DCLK1: variants seen among roughly 807,000 people sequenced by gnomAD.
DCLK1 encodes the protein doublecortin like kinase 1.
Under a neutral mutation model 86.2 loss-of-function variants are expected in DCLK1, and 16 were observed. That is an observed-to-expected ratio of 0.19 (90% CI 0.13 to 0.28). The LOEUF is 0.28. Ranked by LOEUF, DCLK1 falls within the 10% of genes least tolerant of loss-of-function variation. DCLK1 has a pLI of 1.00. For missense variants in DCLK1, 590 were observed against 940.2 expected (o/e 0.63, Z 4.87); for synonymous variants, 369 against 370.5 (o/e 1.00, Z 0.05).
intron 4 of DCLK1, among the ~76,000 whole-genome samples, chr13:35,897,796 C>A (rs1171062): frequency 0.32 from 48,084 of 151,940 alleles, 8,515 homozygotes; most frequent in African/African-American, 0.47. Context: ...TTCAGGTAAT[C>A]CAATGGAAGC....
chr13:35,997,337 A>C (rs1287529232), intron 3 of DCLK1, among the ~76,000 whole-genome samples: 1 of 152,216 alleles, frequency 6.6e-6, no homozygotes, highest in East Asian at 1.9e-4. Flanking sequence ...GATTATCTTT[A>C]ATTTCTTTTC....
intron 3 of DCLK1, among the ~76,000 whole-genome samples, chr13:35,979,003 C>T (rs773704196): frequency 7.2e-5 from 11 of 152,210 alleles, no homozygotes; most frequent in Non-Finnish European, 1.2e-4. Flanking sequence ...CCTGAAAACA[C>T]GATCTTCCTT....
At chr13:35,810,373 A>G (rs909397410) in intron 12 of DCLK1, among the ~76,000 whole-genome samples, 2 of 152,176 alleles carry the variant, frequency 1.3e-5, no homozygotes, top group Non-Finnish European at 2.9e-5. Flanking sequence ...CTGATGCCTA[A>G]GGGTGTTTGT....
At chr13:35,978,972 A>G (rs927799521) in intron 3 of DCLK1, among the ~76,000 whole-genome samples, 6 of 152,200 alleles carry the variant, frequency 3.9e-5, no homozygotes, top group Non-Finnish European at 8.8e-5. Context: ...TAAGTGCTCT[A>G]CCTATATTGT....
At chr13:35,984,057 G>A (rs1879789173) in intron 3 of DCLK1, among the ~76,000 whole-genome samples, 1 of 152,216 alleles carries the variant, frequency 6.6e-6, no homozygotes, top group Non-Finnish European at 1.5e-5. Context: ...GTGCAGGTGA[G>A]CCTATGTGAA....
At chr13:35,807,010 A>C (rs2087041017) in intron 14 of DCLK1, among the ~76,000 whole-genome samples, 1 of 152,360 alleles carries the variant, frequency 6.6e-6, no homozygotes, top group African/African-American at 2.4e-5. Flanking sequence ...AAGCAAAGGC[A>C]TAAACATTGA....
intron 3 of DCLK1, among the ~76,000 whole-genome samples, chr13:35,980,744 C>T (rs912440279): frequency 6.6e-6 from 1 of 152,106 alleles, no homozygotes; most frequent in Non-Finnish European, 1.5e-5. Flanking sequence ...AACCTAAATC[C>T]CTGGCATGCT....
At position 35,936,914 on chromosome 13, in the gene DCLK1, A is replaced by T. The variant is rs1566610704; in HGVS notation, c.823+10444T>A. On this transcript the variant is annotated intron_variant, in intron 4 of 16. Transcript: ENST00000360631. Reference sequence around the variant, plus strand: ...TAATAAAGAAGAGCAGAATGTTCCCAGTGAGAGTCCCTGAAGAACCCATTA... The same window carrying T: ...TAATAAAGAAGAGCAGAATGTTCCCTGTGAGAGTCCCTGAAGAACCCATTA... Among the ~76,000 whole-genome samples, 4 of 151,462 alleles carry T rather than the reference A, an allele frequency of 2.6e-5. No homozygotes were observed. In the South Asian group the frequency reaches 8.4e-4, roughly 32 times the overall value.
At chr13:36,076,275 C>A (rs1884211540) in intron 3 of DCLK1, among the ~76,000 whole-genome samples, 1 of 152,178 alleles carries the variant, frequency 6.6e-6, no homozygotes, top group Non-Finnish European at 1.5e-5. Flanking sequence ...TTTCTCCTGT[C>A]TCCTTGACTA....
At chr13:35,850,007 G>A (rs993300496) in intron 6 of DCLK1, 57 of 969,800 alleles carry the variant, frequency 5.9e-5, no homozygotes, top group Non-Finnish European at 7.0e-5. Context: ...AATTTATACT[G>A]TTTCTAATAA....
chr13:36,021,668 C>T (rs187707906), intron 3 of DCLK1, among the ~76,000 whole-genome samples: 24 of 152,006 alleles, frequency 1.6e-4, no homozygotes, highest in African/African-American at 2.7e-4. Context: ...CATTTTTTAA[C>T]GACAAAGGGT....
At chr13:35,822,975 T>C (rs2087432642) in intron 10 of DCLK1, 100 bp from the exon 11 acceptor site, 1 of 1,411,726 alleles carries the variant, frequency 7.1e-7, no homozygotes, top group Non-Finnish European at 9.7e-7. Flanking sequence ...GAAGAATGGA[T>C]GTGGAATCTT....
intron 14 of DCLK1, among the ~76,000 whole-genome samples, chr13:35,807,603 A>C (rs1434841657): frequency 6.6e-6 from 1 of 152,262 alleles, no homozygotes; most frequent in African/African-American, 2.4e-5. Context: ...AGCAATGGAC[A>C]AAATAGATAA....
intron 4 of DCLK1, among the ~76,000 whole-genome samples, chr13:35,929,794 A>C (rs150630265): frequency 1.3e-5 from 2 of 152,064 alleles, no homozygotes; most frequent in South Asian, 2.1e-4. Flanking sequence ...AGGAAAAGTG[A>C]GACTCATGAT....
chr13:36,035,034 C>T (rs1029410027), intron 3 of DCLK1, among the ~76,000 whole-genome samples: 1 of 152,128 alleles, frequency 6.6e-6, no homozygotes, highest in African/African-American at 2.4e-5. Context: ...CCTCTATGAC[C>T]ATGAAAACAC....
chr13:35,961,532 C>T (rs1878463538), intron 3 of DCLK1, among the ~76,000 whole-genome samples: 1 of 152,144 alleles, frequency 6.6e-6, no homozygotes, highest in Admixed American at 6.5e-5. Context: ...TGTATATTAT[C>T]CATTTTTCTT....
At chr13:36,039,951 C>T (rs906807390) in intron 3 of DCLK1, among the ~76,000 whole-genome samples, 37 of 147,584 alleles carry the variant, frequency 2.5e-4, no homozygotes, top group Admixed American at 1.2e-3. Flanking sequence ...TTTTTAGATA[C>T]AAGGTCTGGC....
At chr13:35,910,724 A>C (rs1343960514) in intron 4 of DCLK1, among the ~76,000 whole-genome samples, 1 of 152,170 alleles carries the variant, frequency 6.6e-6, no homozygotes, top group Non-Finnish European at 1.5e-5. Context: ...TGAACACACT[A>C]ATGTGGTAAT....
intron 4 of DCLK1, among the ~76,000 whole-genome samples, chr13:35,930,505 G>A (rs1438891503): frequency 2.0e-5 from 3 of 152,178 alleles, no homozygotes; most frequent in African/African-American, 7.2e-5. Flanking sequence ...AGAGACTGAG[G>A]CAGAAGAATC....
Sources: allele counts gnomAD v4.1 joint callset (sites outside exome capture counted in the v4.1 genomes callset), GRCh38; gene constraint gnomAD v4.1.1; transcripts MANE v1.5; gene names NCBI Gene and HGNC (gene_info 2026-07-23, HGNC 2026-07-21).